TRIM26: variants seen among roughly 807,000 people sequenced by gnomAD.
The protein encoded by TRIM26 is tripartite motif-containing protein 26.
In TRIM26, 16 loss-of-function variants were observed where a neutral mutation model predicts 45.5. The observed-to-expected ratio is 0.35, with a 90% CI of 0.24 to 0.53. The LOEUF is 0.53. Ranked by LOEUF, TRIM26 falls within the 20% of genes least tolerant of loss-of-function variation. The pLI is 0.92. For missense variants in TRIM26, 442 were observed against 691.1 expected (o/e 0.64, Z 4.04); for synonymous variants, 273 against 290.4 (o/e 0.94, Z 0.61).
At position 30,193,661 on chromosome 6, in the gene TRIM26, G is replaced by A. The variant is rs572998161; in HGVS notation, c.765+2855C>T. 3.9e-5 allele frequency among the ~76,000 whole-genome samples: 6 copies of A among 152,064 alleles called. No individual in the cohort carries two copies. In the South Asian group the frequency reaches 1.0e-3, roughly 26 times the overall value. ...TGTATTAAATCTGTAGACTGCTTTG[G>A]GTAGGACAGTCATTTTAACAATATT... On this transcript the variant is annotated intron_variant, in intron 6 of 9. Transcript: ENST00000454678.
At chr6:30,194,378 G>A (rs1419630221) in intron 6 of TRIM26, among the ~76,000 whole-genome samples, 4 of 152,098 alleles carry the variant, frequency 2.6e-5, no homozygotes, top group Non-Finnish European at 5.9e-5. Context: ...TACATGGGAA[G>A]AATAAATTCT....
chr6:30,198,150 T>A lies in TRIM26; in HGVS notation c.534+279A>T, dbSNP rs1450657040. Among the ~76,000 whole-genome samples the A allele has an allele frequency of 6.6e-6, 1 of 152,154 alleles. No homozygotes were observed. Among genetic ancestry groups the A allele is most frequent in the Non-Finnish European group, 1.5e-5 (1 of 68,026 alleles). ...GCAGAAGAGAACCAGCAGCTGGACA[T>A]GGGCCCTGCCTTCAAGGTGACAGTC... is the stretch of plus-strand genomic sequence containing the variant. On this transcript the variant is annotated intron_variant, in intron 5 of 9. Transcript: ENST00000454678. The surrounding 1 kb of genome is among the most constrained non-coding windows in gnomAD (Gnocchi z 6.3).
At chr6:30,210,783 C>T (rs963531829) in intron 1 of TRIM26, among the ~76,000 whole-genome samples, 4 of 152,140 alleles carry the variant, frequency 2.6e-5, no homozygotes, top group Non-Finnish European at 2.9e-5. Flanking sequence ...CTCAAACTAT[C>T]TTGTACTGTA....
chr6:30,207,483 T>C lies in TRIM26; in HGVS notation c.-375-2718A>G, dbSNP rs1388165658. On this transcript the variant is annotated intron_variant, in intron 1 of 9. Transcript: ENST00000454678. This position sits in a 1 kb window ranked among gnomAD's most constrained non-coding sequence, Gnocchi z 4.9. ...CCTCCTCTCCCCTTTGCTGCCCCAGTGCTGCAGCCACTCTGGCCTTTTGAT... is the reference window on the plus strand; with the variant it reads ...CCTCCTCTCCCCTTTGCTGCCCCAGCGCTGCAGCCACTCTGGCCTTTTGAT... 1.3e-5 allele frequency among the ~76,000 whole-genome samples: 2 copies of C among 152,152 alleles called. No individual in the cohort carries two copies. The highest frequency in any genetic ancestry group is 2.9e-5 in the Non-Finnish European group (2 of 68,026).
intron 6 of TRIM26, among the ~76,000 whole-genome samples, chr6:30,191,734 G>A (rs187455026): frequency 3.9e-5 from 6 of 152,340 alleles, no homozygotes; most frequent in African/African-American, 1.2e-4. Flanking sequence ...CCAACCCCCC[G>A]CTATGAAGCA....
chr6:30,205,756 C>A (rs1777664150), intron 1 of TRIM26, among the ~76,000 whole-genome samples: 1 of 152,156 alleles, frequency 6.6e-6, no homozygotes, highest in South Asian at 2.1e-4. Context: ...GCAGGAGGAT[C>A]TCCCGAGCCC....
At chr6:30,206,053 C>A (rs1034616125) in intron 1 of TRIM26, among the ~76,000 whole-genome samples, 1 of 152,260 alleles carries the variant, frequency 6.6e-6, no homozygotes, top group Non-Finnish European at 1.5e-5. Context: ...AAGCACTTAG[C>A]CTAGAGCTCC....
chr6:30,205,560 G>A (rs917098926), intron 1 of TRIM26, among the ~76,000 whole-genome samples: 1 of 152,198 alleles, frequency 6.6e-6, no homozygotes, highest in African/African-American at 2.4e-5. Context: ...GCTGAAAGCC[G>A]GGCACGGGGG....
At position 30,185,709 on chromosome 6, in the gene TRIM26, CTGAG is replaced by C. The variant is rs1193279173; in HGVS notation, c.*163_*166del. 2.5e-5 allele frequency: 19 copies of C among 746,154 alleles called. No homozygotes were observed. The highest frequency in any genetic ancestry group is 3.7e-5 in the Non-Finnish European group (17 of 462,446). The allele number at this position is 746,154 out of a possible 1,614,324, so 46.2% of individuals were successfully genotyped here. A position where few individuals can be genotyped will look rare whatever the true frequency, so the allele number is the denominator to read the frequency against. On this transcript the variant is annotated 3_prime_UTR_variant, in exon 10 of 10. Transcript: ENST00000454678. This position sits in a 1 kb window ranked among gnomAD's most constrained non-coding sequence, Gnocchi z 5.7. ...TAGGGCAGTAGATGGAGCAACAGCACTGAGTGAGATTTCAGGGGGCCACAGCAAT... is the reference window on the plus strand; with the variant it reads ...TAGGGCAGTAGATGGAGCAACAGCACTGAGATTTCAGGGGGCCACAGCAAT...
chr6:30,186,944 A>G lies in TRIM26; in HGVS notation c.938-386T>C. On this transcript the variant is annotated intron_variant, in intron 9 of 9. Transcript: ENST00000454678. The surrounding 1 kb of genome is among the most constrained non-coding windows in gnomAD (Gnocchi z 7.4). Reference sequence around the variant, plus strand: ...CTGTTCCATTTTCTTCATAATCCAGAAAAAAAGTCCTCTTTTTCAAGTAAC... The same window carrying G: ...CTGTTCCATTTTCTTCATAATCCAGGAAAAAAGTCCTCTTTTTCAAGTAAC... 1.9e-6 allele frequency: 1 copy of G among 520,030 alleles called. No homozygotes were observed. The highest frequency in any genetic ancestry group is 2.1e-5 in the South Asian group (1 of 47,632). 32.2% of individuals were successfully genotyped at this position (520,030 alleles called of 1,614,324 possible).
intron 1 of TRIM26, among the ~76,000 whole-genome samples, chr6:30,208,821 G>A (rs145554076): frequency 6.6e-6 from 1 of 152,068 alleles, no homozygotes; most frequent in East Asian, 1.9e-4. Flanking sequence ...CAGGCTATGA[G>A]CACTCATGAT....
At position 30,207,009 on chromosome 6, in the gene TRIM26, T is replaced by A. The variant is rs1248595874; in HGVS notation, c.-375-2244A>T. 6.6e-6 allele frequency among the ~76,000 whole-genome samples: 1 copy of A among 152,188 alleles called. No individual in the cohort carries two copies. Among genetic ancestry groups the A allele is most frequent in the African/African-American group, 2.4e-5 (1 of 41,444 alleles). Reference sequence around the variant, plus strand: ...GCACTTTGGTGCCTGGAAAATGAACTCTTCCCTGCCCATATGGAGTGCTGT... The same window carrying A: ...GCACTTTGGTGCCTGGAAAATGAACACTTCCCTGCCCATATGGAGTGCTGT... On this transcript the variant is annotated intron_variant, in intron 1 of 9. Transcript: ENST00000454678. This position sits in a 1 kb window ranked among gnomAD's most constrained non-coding sequence, Gnocchi z 4.9.
chr6:30,204,334 T>G (rs1163976581), intron 2 of TRIM26, among the ~76,000 whole-genome samples: 1 of 152,206 alleles, frequency 6.6e-6, no homozygotes, highest in African/African-American at 2.4e-5. Flanking sequence ...GAAGCTCAGA[T>G]GAGGTCATCT....
intron 2 of TRIM26, among the ~76,000 whole-genome samples, chr6:30,202,974 C>A (rs1179999538): frequency 1.3e-5 from 2 of 151,124 alleles, no homozygotes; most frequent in Non-Finnish European, 2.9e-5. Flanking sequence ...TAAAAATAGT[C>A]TTGGAACTAT....
chr6:30,190,315 G>T lies in TRIM26; in HGVS notation c.766-280C>A. On this transcript the variant is annotated intron_variant, in intron 6 of 9. Coordinates refer to ENST00000454678, the MANE Select transcript of TRIM26 (RefSeq NM_003449.5). This position sits in a 1 kb window ranked among gnomAD's most constrained non-coding sequence, Gnocchi z 4.3. ...ATTGACGGATAAGAAGTACTGGCCGGATGAAGAGAGGTAAGGTAAAACAGG... is the reference window on the plus strand; with the variant it reads ...ATTGACGGATAAGAAGTACTGGCCGTATGAAGAGAGGTAAGGTAAAACAGG... 1.8e-6 allele frequency: 1 copy of T among 544,926 alleles called. No individual in the cohort carries two copies. The highest frequency in any genetic ancestry group is 3.3e-6 in the Non-Finnish European group (1 of 303,918). The allele number at this position is 544,926 out of a possible 1,614,324, so 33.8% of individuals were successfully genotyped here. A position where few individuals can be genotyped will look rare whatever the true frequency, so the allele number is the denominator to read the frequency against.
Position 30,198,857 on chromosome 6 carries a change from C to T in TRIM26, c.247G>A (p.Val83Met). ...TCTCCCGGCTGCCTGCCCTTGTCCA[C>T]CTTCAGCCGCTCAATGTTCTCCACC... is the stretch of plus-strand genomic sequence containing the variant. ...SLVENIERLK[V>M]DKGRQPGEVT... Residue 83 changes from valine to methionine, a missense_variant, in exon 4 of 10, where the codon GTG becomes ATG. Coordinates refer to ENST00000454678, the MANE Select transcript of TRIM26 (RefSeq NM_003449.5). The surrounding 1 kb of genome is among the most constrained non-coding windows in gnomAD (Gnocchi z 6.3). 6.2e-7 allele frequency: 1 copy of T among 1,612,998 alleles called. No homozygotes were observed. Among genetic ancestry groups the T allele is most frequent in the African/African-American group, 1.3e-5 (1 of 75,040 alleles).
At chr6:30,205,553 G>A (rs2523713) in intron 1 of TRIM26, among the ~76,000 whole-genome samples, 34,789 of 152,102 alleles carry the variant, frequency 0.23, 4,471 homozygotes, top group African/African-American at 0.33. Context: ...AAAACTAGCT[G>A]AAAGCCGGGC....
At chr6:30,212,874 C>T (rs1449940182) in intron 1 of TRIM26, among the ~76,000 whole-genome samples, 1 of 140,294 alleles carries the variant, frequency 7.1e-6, no homozygotes, top group African/African-American at 2.7e-5. Context: ...GGAGTGAAAG[C>T]ACAGCTCCAA....
Position 30,196,611 on chromosome 6 carries a change from A to C in TRIM26, c.670T>G (p.Phe224Val). ...EQELTEGREK[F>V]KSRGVGELAR... Reference sequence around the variant, plus strand: ...AGCTCCCCGACGCCCCGGCTCTTGAACTTCTCCCTGCCCTCCGTGAGCTCC... The same window carrying C: ...AGCTCCCCGACGCCCCGGCTCTTGACCTTCTCCCTGCCCTCCGTGAGCTCC... The change falls in exon 6 of 10, where the codon TTC (phenylalanine) becomes GTC (valine). Residue 224 changes from phenylalanine to valine, a missense_variant. Transcript: ENST00000454678. The surrounding 1 kb of genome is among the most constrained non-coding windows in gnomAD (Gnocchi z 4.9). 6.2e-7 allele frequency: 1 copy of C among 1,613,844 alleles called. No homozygotes were observed. The highest frequency in any genetic ancestry group is 8.5e-7 in the Non-Finnish European group (1 of 1,180,004).
Sources: allele counts gnomAD v4.1 joint callset (sites outside exome capture counted in the v4.1 genomes callset), GRCh38; gene constraint gnomAD v4.1.1; non-coding constraint Gnocchi (gnomAD v3.1); transcripts MANE v1.5; gene names NCBI Gene and HGNC (gene_info 2026-07-23, HGNC 2026-07-21).